Variants in SLC35A3 observed in about 807,000 individuals in gnomAD.
SLC35A3 encodes the protein solute carrier family 35 member A3, also known as UDP-N-acetylglucosamine transporter.
SLC35A3 carries 26 observed loss-of-function variants against 39.0 expected under a neutral mutation model. The ratio of observed to expected loss-of-function variants is 0.67; its 90% CI spans 0.49 to 0.92. SLC35A3 has a LOEUF of 0.92. SLC35A3 is among the 40% of genes least tolerant of loss of function. The probability of loss-of-function intolerance (pLI) is 0.00; values close to 1 mark genes in which losing one functional copy is unlikely to be tolerated. For synonymous variants in SLC35A3, 135 were observed against 133.1 expected (o/e 1.01, Z -0.10); for missense variants, 299 against 371.6 (o/e 0.80, Z 1.61).
At chr1:100,003,579 T>C (rs1658986072) in intron 3 of SLC35A3, among the ~76,000 whole-genome samples, 1 of 152,208 alleles carries the variant, frequency 6.6e-6, no homozygotes, top group Non-Finnish European at 1.5e-5. Context: ...ATGAGAAGCA[T>C]GTGCATTCTG....
rs943551675 is a variant in SLC35A3 at position 100,022,711 on chromosome 1, A to C, written c.*235A>C. ...AGGATTAGAAGGAATATTAGAGGAA[A>C]CTTGAAATCTGAGTTTAAAAAGATT... On this transcript the variant is annotated 3_prime_UTR_variant, in exon 8 of 8. Transcript: ENST00000533028. The C allele has an allele frequency of 4.7e-5, 15 of 317,000 alleles. No homozygotes were observed. Among genetic ancestry groups the C allele is most frequent in the African/African-American group, 2.8e-4 (13 of 46,738 alleles). 19.6% of individuals were successfully genotyped at this position (317,000 alleles called of 1,614,324 possible). A position where few individuals can be genotyped will look rare whatever the true frequency, so the allele number is the denominator to read the frequency against.
At chr1:100,009,166 C>T (rs556911536) in intron 4 of SLC35A3, 1 of 152,192 alleles carries the variant, frequency 6.6e-6, no homozygotes, top group African/African-American at 2.4e-5. Context: ...TATTATTCTT[C>T]CCAACTTTCA....
At position 99,999,246 on chromosome 1, in the gene SLC35A3, CAT is replaced by C. The variant is rs1384226940; in HGVS notation, c.188-12_188-11del. 4 of 1,467,676 alleles carry C rather than the reference CAT, an allele frequency of 2.7e-6. No individual in the cohort carries two copies. The highest frequency in any genetic ancestry group is 1.4e-5 in the South Asian group (1 of 70,592). The allele number at this position is 1,467,676 out of a possible 1,614,324, so 90.9% of individuals were successfully genotyped here. On this transcript the variant is annotated splice_polypyrimidine_tract_variant and intron_variant, in intron 2 of 7. Transcript: ENST00000533028. ...GAGTTACTTAATTACTGATTTTTCT[CAT>C]ATTATTTTCTAGAATGTAGTCTAAG...
chr1:99,982,933 A>G (rs1038145330), intron 1 of SLC35A3, among the ~76,000 whole-genome samples: 69 of 152,292 alleles, frequency 4.5e-4, no homozygotes, highest in African/African-American at 1.6e-3. Context: ...AAACCCTGAA[A>G]TATTTTTTGT....
intron 1 of SLC35A3, among the ~76,000 whole-genome samples, chr1:99,976,134 T>C (rs1274701654): frequency 6.6e-6 from 1 of 152,190 alleles, no homozygotes; most frequent in Non-Finnish European, 1.5e-5. Context: ...ATCTGCTATA[T>C]GGAGGCTAGA....
chr1:99,997,481 GATAT>G (rs1261613696), intron 2 of SLC35A3, among the ~76,000 whole-genome samples: 1 of 101,734 alleles, frequency 9.8e-6, no homozygotes, highest in African/African-American at 3.6e-5. Flanking sequence ...GTGTTTAGTT[GATAT>G]TATCACATAC....
intron 1 of SLC35A3, among the ~76,000 whole-genome samples, chr1:99,983,128 T>C (rs1339024169): frequency 6.6e-6 from 1 of 152,178 alleles, no homozygotes; most frequent in South Asian, 2.1e-4. Flanking sequence ...TACAAATTTA[T>C]GTGGAACTTT....
rs1207226693 is a variant in SLC35A3, at chr1:100,030,993, G to A, written c.*8517G>A. 2.0e-5 allele frequency: 3 copies of A among 152,022 alleles called. No individual in the cohort carries two copies. The highest frequency in any genetic ancestry group is 7.3e-5 in the African/African-American group (3 of 41,366). The allele number at this position is 152,022 out of a possible 1,614,324, so 9.4% of individuals were successfully genotyped here. A position where few individuals can be genotyped will look rare whatever the true frequency, so the allele number is the denominator to read the frequency against. ...TATGAATTCTAGAATTTTAAAACCTGCCACACTTATTTTGGATGTTATATA... is the reference window on the plus strand; with the variant it reads ...TATGAATTCTAGAATTTTAAAACCTACCACACTTATTTTGGATGTTATATA... On this transcript the variant is annotated 3_prime_UTR_variant, in exon 8 of 8. Coordinates refer to ENST00000533028, the MANE Select transcript of SLC35A3 (RefSeq NM_012243.3).
At chr1:99,998,254 A>T (rs2101184162) in intron 2 of SLC35A3, among the ~76,000 whole-genome samples, 1 of 151,476 alleles carries the variant, frequency 6.6e-6, no homozygotes, top group East Asian at 1.9e-4. Context: ...TCCTAGGCTC[A>T]GTTGATCCTC....
chr1:99,972,038 A>G (rs1300698454), intron 1 of SLC35A3, among the ~76,000 whole-genome samples: 1 of 151,942 alleles, frequency 6.6e-6, no homozygotes, highest in Admixed American at 6.6e-5. Flanking sequence ...AGCTGGGATT[A>G]CAGGTGCCCG....
chr1:99,974,014 CA>C (rs1251803858), intron 1 of SLC35A3, among the ~76,000 whole-genome samples: 8,251 of 68,122 alleles, frequency 0.12, 263 homozygotes, highest in South Asian at 0.23. Context: ...GACTCCATCT[CA>C]AAAAAAAAAA....
intron 1 of SLC35A3, among the ~76,000 whole-genome samples, chr1:99,977,237 G>A (rs1309413373): frequency 1.3e-5 from 2 of 151,858 alleles, no homozygotes; most frequent in African/African-American, 4.8e-5. Context: ...AGTGCAGTAG[G>A]CCTGGTGCAG....
At chr1:99,982,950 G>T (rs1321877099) in intron 1 of SLC35A3, among the ~76,000 whole-genome samples, 2 of 152,102 alleles carry the variant, frequency 1.3e-5, no homozygotes, top group African/African-American at 4.8e-5. Context: ...TTGTGCACAG[G>T]ACTGTAAAGG....
intron 1 of SLC35A3, among the ~76,000 whole-genome samples, chr1:99,981,639 C>A (rs926525882): frequency 1.3e-5 from 2 of 151,674 alleles, no homozygotes; most frequent in African/African-American, 4.8e-5. Flanking sequence ...TGCCACCATG[C>A]CTGGCTAATT....
chr1:100,007,961 T>A (rs1659360468), intron 4 of SLC35A3: 1 of 151,196 alleles, frequency 6.6e-6, no homozygotes, highest in East Asian at 1.9e-4. Flanking sequence ...TTTAATTTTT[T>A]TTTTTTTTTT....
intron 3 of SLC35A3, 78 bp downstream of exon 3, chr1:99,999,493 A>G: frequency 1.1e-6 from 1 of 943,844 alleles, no homozygotes; most frequent in Non-Finnish European, 1.6e-6. Context: ...TATGGGGTAC[A>G]TGTGGTATTT....
rs368291129 is a variant in SLC35A3, at chr1:100,022,505, C to T, written c.*29C>T. On this transcript the variant is annotated 3_prime_UTR_variant, in exon 8 of 8. Transcript: ENST00000533028. ...TATACTATCTTTAACTGGTTTTTCA[C>T]GATGGGGCACTAGGAATCTCGACAT... 1.9e-4 allele frequency: 215 copies of T among 1,158,674 alleles called. 1 individual carries two copies. The highest frequency in any genetic ancestry group is 1.5e-3 in the South Asian group (114 of 76,412). The allele number at this position is 1,158,674 out of a possible 1,614,324, so 71.8% of individuals were successfully genotyped here.
At position 99,999,260 on chromosome 1, in the gene SLC35A3, G is replaced by T. The variant is rs750883857; in HGVS notation, c.188-1G>T. 2.0e-6 allele frequency: 3 copies of T among 1,504,090 alleles called. No individual in the cohort carries two copies. In the South Asian group the frequency reaches 4.1e-5, roughly 20 times the overall value. The allele number at this position is 1,504,090 out of a possible 1,614,324, so 93.2% of individuals were successfully genotyped here. A position where few individuals can be genotyped will look rare whatever the true frequency, so the allele number is the denominator to read the frequency against. On this transcript the variant is annotated splice_acceptor_variant, in intron 2 of 7. Coordinates refer to ENST00000533028, the MANE Select transcript of SLC35A3 (RefSeq NM_012243.3). LOFTEE classifies it high-confidence loss of function. The stretch of plus-strand genomic sequence containing the variant: ...CTGATTTTTCTCATATTATTTTCTA[G>T]AATGTAGTCTAAGAGCACTGAATCG...
intron 1 of SLC35A3, among the ~76,000 whole-genome samples, chr1:99,989,442 C>A (rs760401385): frequency 6.6e-6 from 1 of 151,970 alleles, no homozygotes; most frequent in Non-Finnish European, 1.5e-5. Flanking sequence ...TGCAAGCATG[C>A]CTGGCTAATT....
Sources: gnomAD v4.1 joint callset for allele counts (sites outside exome capture counted in the v4.1 genomes callset) on GRCh38, gnomAD v4.1.1 for gene constraint, MANE v1.5 for transcripts, NCBI Gene and HGNC (gene_info 2026-07-23, HGNC 2026-07-21) for gene names.